Variants in PRH1 observed in about 807,000 individuals in gnomAD.
PRH1 encodes proline rich protein HaeIII subfamily 1, also known as salivary acidic proline-rich phosphoprotein 1/2.
In PRH1, 7 loss-of-function variants were observed where a neutral mutation model predicts 7.9. The observed-to-expected ratio is 0.89, with a 90% CI of 0.50 to 1.67. The LOEUF (loss-of-function observed/expected upper bound fraction) is 1.67, where lower values mean the gene tolerates loss of function less well. Among genes scored for constraint, PRH1 ranks in the 40% most tolerant of loss-of-function variants. The probability of loss-of-function intolerance (pLI) is 0.00; values close to 1 mark genes in which losing one functional copy is unlikely to be tolerated. For synonymous variants in PRH1, 45 were observed against 80.8 expected (o/e 0.56, Z 2.38); for missense variants, 109 against 223.6 (o/e 0.49, Z 3.27).
In PRH1 at chr12:11,171,078, C is replaced by T. The variant is rs1485612356; in HGVS notation, n.39+344G>A. 4 of 367,822 alleles carry T rather than the reference C, an allele frequency of 1.1e-5. No individual in the cohort carries two copies. The East Asian group carries it at 1.6e-4, about 14-fold the overall frequency. The allele number at this position is 367,822 out of a possible 1,614,324, so 22.8% of individuals were successfully genotyped here. A position where few individuals can be genotyped will look rare whatever the true frequency, so the allele number is the denominator to read the frequency against. ...AAGTGGAACTATCTGCATGGATGTT[C>T]GTACATGCTATATAACACATCCTAT... On this transcript the variant is annotated intron_variant and non_coding_transcript_variant, in intron 1 of 1. Coordinates refer to the PRH1 transcript ENST00000541175.
At chr12:11,005,883 T>G (rs1372108595) in intron 1 of PRH1, 2 of 152,152 alleles carry the variant, frequency 1.3e-5, no homozygotes, top group South Asian at 4.1e-4. Context: ...TTTTAAAATA[T>G]TCCTTGGGCA....
intron 1 of PRH1, chr12:11,171,284 C>A (rs1947834917): frequency 9.9e-7 from 1 of 1,010,412 alleles, no homozygotes; most frequent in Non-Finnish European, 1.3e-6. Flanking sequence ...CCGGTCCCAG[C>A]CGTCGCTAGG....
intron 1 of PRH1, among the ~76,000 whole-genome samples, chr12:11,040,480 C>G (rs1004842122): frequency 7.9e-5 from 12 of 152,160 alleles, no homozygotes; most frequent in African/African-American, 2.9e-4. Flanking sequence ...AAACCAAACA[C>G]CACATGTTAT....
At chr12:11,039,626 A>G (rs1474878788) in intron 1 of PRH1, among the ~76,000 whole-genome samples, 2 of 152,388 alleles carry the variant, frequency 1.3e-5, no homozygotes, top group South Asian at 4.1e-4. Context: ...GAGCTTGGGC[A>G]TAACTAGGAT....
downstream of PRH1, among the ~76,000 whole-genome samples, chr12:11,118,872 G>A (rs534317706): frequency 1.3e-5 from 2 of 152,076 alleles, no homozygotes; most frequent in East Asian, 3.9e-4. Context: ...GCTGGCGCCT[G>A]TAGTCCCAGC....
At chr12:11,002,053 A>C (rs1240991758) in intron 1 of PRH1, among the ~76,000 whole-genome samples, 1 of 152,146 alleles carries the variant, frequency 6.6e-6, no homozygotes, top group Non-Finnish European at 1.5e-5. Flanking sequence ...TGCTTAAGCA[A>C]TGTATTTTAA....
chr12:10,980,304 C>T (rs955322573), intron 1 of PRH1, among the ~76,000 whole-genome samples: 2 of 152,108 alleles, frequency 1.3e-5, no homozygotes, highest in Admixed American at 6.6e-5. Context: ...ATAATTCTAT[C>T]TATGTATTTC....
intron 1 of PRH1, among the ~76,000 whole-genome samples, chr12:11,122,152 TAC>T (rs750483245): frequency 6.6e-6 from 1 of 151,980 alleles, no homozygotes; most frequent in Non-Finnish European, 1.5e-5. Context: ...TAGTAGACTT[TAC>T]ACAGAGATTT....
chr12:11,169,494 G>A (rs1404990611), intron 1 of PRH1, among the ~76,000 whole-genome samples: 1 of 152,078 alleles, frequency 6.6e-6, no homozygotes, highest in Non-Finnish European at 1.5e-5. Flanking sequence ...TTTTCCCCAC[G>A]GTCTCAGGGT....
intron 2 of PRH1, among the ~76,000 whole-genome samples, chr12:10,905,938 G>GT (rs1018823811): frequency 2.0e-5 from 3 of 152,156 alleles, no homozygotes; most frequent in Non-Finnish European, 2.9e-5. Flanking sequence ...CTATTATAGT[G>GT]TTTTTTGTGG....
intron 1 of PRH1, chr12:11,133,217 T>C: frequency 2.0e-6 from 3 of 1,527,554 alleles, no homozygotes; most frequent in South Asian, 2.7e-5. Context: ...AAATTATTCA[T>C]ATACATATAT....
intron 1 of PRH1, among the ~76,000 whole-genome samples, chr12:11,083,862 C>T (rs1412609138): frequency 6.6e-6 from 1 of 151,076 alleles, no homozygotes; most frequent in African/African-American, 2.4e-5. Flanking sequence ...CCTCTCATAT[C>T]TATGAAGTTC....
Position 11,096,392 on chromosome 12 carries a change from A to G in PRH1, n.124-49204T>C, listed in dbSNP as rs1327182128. 1.7e-5 allele frequency among the ~76,000 whole-genome samples: 2 copies of G among 116,482 alleles called. 1 individual carries two copies. The highest frequency in any genetic ancestry group is 5.8e-5 in the African/African-American group (2 of 34,756). The allele number at this position is 116,482 out of a possible 152,430, so 76.4% of individuals were successfully genotyped here. A position where few individuals can be genotyped will look rare whatever the true frequency, so the allele number is the denominator to read the frequency against. ...TTGTCTTATTGTTTTAGAGGTAGAA[A>G]TGAACTTTTTGTTCTCCTTATATAA... On this transcript the variant is annotated intron_variant and non_coding_transcript_variant, in intron 1 of 4. Coordinates refer to the PRH1 transcript ENST00000541977.
intron 1 of PRH1, among the ~76,000 whole-genome samples, chr12:11,099,817 A>G (rs529553278): frequency 1.8e-4 from 27 of 152,326 alleles, no homozygotes; most frequent in South Asian, 1.7e-3. Context: ...ACTCTGCTAA[A>G]CCAAGAGTGT....
At chr12:11,014,978 A>C (rs1307840099) in intron 1 of PRH1, among the ~76,000 whole-genome samples, 1 of 152,144 alleles carries the variant, frequency 6.6e-6, no homozygotes, top group East Asian at 1.9e-4. Flanking sequence ...GGCACCAGGG[A>C]GAGGCAATTT....
chr12:11,131,625 T>C (rs556659744), intron 1 of PRH1, among the ~76,000 whole-genome samples: 15 of 27,794 alleles, frequency 5.4e-4, no homozygotes, highest in Middle Eastern at 0.056. Context: ...TTTAAAATAT[T>C]GTAATAGTGG....
intron 1 of PRH1, among the ~76,000 whole-genome samples, chr12:11,020,241 TCA>T (rs1257699105): frequency 0.14 from 2,919 of 21,566 alleles, no homozygotes; most frequent in East Asian, 0.4. Flanking sequence ...CATTAACATA[TCA>T]TTTTTGACCA....
intron 1 of PRH1, among the ~76,000 whole-genome samples, chr12:11,147,512 T>C (rs1946901165): frequency 6.6e-6 from 1 of 152,220 alleles, no homozygotes; most frequent in South Asian, 2.1e-4. Flanking sequence ...ATTTACATAT[T>C]GTAATTTACT....
chr12:10,990,350 T>C (rs1939873805), intron 1 of PRH1, among the ~76,000 whole-genome samples: 1 of 152,166 alleles, frequency 6.6e-6, no homozygotes, highest in Non-Finnish European at 1.5e-5. Context: ...TGATGTTTGA[T>C]GAGTGATAGT....
Sources: allele counts gnomAD v4.1 joint callset (sites outside exome capture counted in the v4.1 genomes callset), GRCh38; gene constraint gnomAD v4.1.1; transcripts MANE v1.5; gene names NCBI Gene and HGNC (gene_info 2026-07-23, HGNC 2026-07-21).